Variants in MME observed in about 807,000 individuals in gnomAD.
MME encodes membrane metalloendopeptidase.
MME carries 98 observed loss-of-function variants against 113.2 expected under a neutral mutation model. The observed-to-expected ratio is 0.87, with a 90% CI of 0.74 to 1.02. MME has a LOEUF of 1.02. MME is among the 50% of genes least tolerant of loss of function. The pLI, the probability that MME is intolerant of heterozygous loss-of-function variation, is 0.00. For synonymous variants in MME, 292 were observed against 300.6 expected, an observed-to-expected ratio of 0.97 and a Z score of 0.30; for missense variants, 836 against 896.0, an observed-to-expected ratio of 0.93 and a Z score of 0.86.
At chr3:155,172,980 G>GAA in intron 22 of MME, among the ~76,000 whole-genome samples, 1 of 152,062 alleles carries the variant, frequency 6.6e-6, no homozygotes, top group Non-Finnish European at 1.5e-5. Context: ...AACTTGCAAA[G>GAA]AAAAATTTCA....
chr3:155,136,996 G>T (rs1720686449), intron 8 of MME, among the ~76,000 whole-genome samples: 1 of 152,134 alleles, frequency 6.6e-6, no homozygotes, highest in Non-Finnish European at 1.5e-5. Flanking sequence ...ATAGCAATTG[G>T]TTCAAACCTA....
rs184326934 is a variant in MME at position 155,037,332 on chromosome 3, G to A, written c.-11+13008G>A. Among the ~76,000 whole-genome samples the A allele has an allele frequency of 3.3e-5, 5 of 152,178 alleles. No individual in the cohort carries two copies. The South Asian group carries it at 6.2e-4, about 19-fold the overall frequency. ...AATAGAAATTCTCACAAAATTGCTCGGTAGGTACTAGCAATTTTAATTATC... is the reference window on the plus strand; with the variant it reads ...AATAGAAATTCTCACAAAATTGCTCAGTAGGTACTAGCAATTTTAATTATC... On this transcript the variant is annotated intron_variant, in intron 1 of 22. Transcript: ENST00000492661.
At chr3:155,133,956 G>A (rs1467345843) in intron 8 of MME, among the ~76,000 whole-genome samples, 2 of 151,188 alleles carry the variant, frequency 1.3e-5, no homozygotes, top group South Asian at 4.2e-4. Context: ...TCAAAACACT[G>A]CATGCTTGTA....
intron 1 of MME, among the ~76,000 whole-genome samples, chr3:155,036,342 G>T (rs1713126631): frequency 1.3e-5 from 2 of 152,166 alleles, no homozygotes; most frequent in Admixed American, 1.3e-4. Context: ...ACAGTTTTAC[G>T]CTTTTATGTA....
intron 8 of MME, among the ~76,000 whole-genome samples, chr3:155,127,206 C>T (rs1719753434): frequency 1.3e-5 from 2 of 152,138 alleles, no homozygotes; most frequent in South Asian, 4.1e-4. Flanking sequence ...AAGTTTACTT[C>T]TGTCTGTCAT....
chr3:155,154,654 C>T (rs930845131), intron 16 of MME, among the ~76,000 whole-genome samples: 1 of 152,198 alleles, frequency 6.6e-6, no homozygotes, highest in African/African-American at 2.4e-5. Context: ...TAAAATATCC[C>T]TTCTGATTTT....
chr3:155,057,937 T>G (rs1233782641), intron 1 of MME, among the ~76,000 whole-genome samples: 1 of 152,176 alleles, frequency 6.6e-6, no homozygotes, highest in East Asian at 1.9e-4. Context: ...GTACATCTTA[T>G]AGTTGTTGTT....
At position 155,182,421 on chromosome 3, in the gene MME, C is replaced by G. The variant is rs1713187381; in HGVS notation, c.*1962C>G. 1 of 152,196 alleles carries G rather than the reference C, an allele frequency of 6.6e-6. No homozygotes were observed. Among genetic ancestry groups the G allele is most frequent in the African/African-American group, 2.4e-5 (1 of 41,464 alleles). 9.4% of individuals were successfully genotyped at this position (152,196 alleles called of 1,614,324 possible). On this transcript the variant is annotated 3_prime_UTR_variant, in exon 23 of 23. Coordinates refer to ENST00000360490, the MANE Select transcript of MME (RefSeq NM_007289.4). ...TGAGCCTTTAATGGACTTATTTCTTCAAATCCTTCCAAAAATTATTATAAG... is the reference window on the plus strand; with the variant it reads ...TGAGCCTTTAATGGACTTATTTCTTGAAATCCTTCCAAAAATTATTATAAG...
At chr3:155,124,982 G>A (rs375939474) in intron 8 of MME, among the ~76,000 whole-genome samples, 1 of 152,162 alleles carries the variant, frequency 6.6e-6, no homozygotes, top group Non-Finnish European at 1.5e-5. Context: ...GTTTACCTAA[G>A]CAAGCCTGGG....
At chr3:155,086,850 G>C (rs1039232144) in intron 3 of MME, among the ~76,000 whole-genome samples, 4 of 152,038 alleles carry the variant, frequency 2.6e-5, no homozygotes, top group African/African-American at 9.7e-5. Context: ...TGTCACCCAG[G>C]CTGGAGTGCA....
At chr3:155,033,041 G>C (rs910442039) in intron 1 of MME, among the ~76,000 whole-genome samples, 1 of 152,194 alleles carries the variant, frequency 6.6e-6, no homozygotes, top group Non-Finnish European at 1.5e-5. Flanking sequence ...CATCTGGTCT[G>C]AGTTAGGTAC....
intron 16 of MME, among the ~76,000 whole-genome samples, chr3:155,149,144 A>C (rs2108326969): frequency 6.6e-6 from 1 of 152,318 alleles, no homozygotes; most frequent in Admixed American, 6.5e-5. Context: ...AACCATTCTT[A>C]TTCACAGTCT....
intron 7 of MME, among the ~76,000 whole-genome samples, chr3:155,117,460 C>T (rs1718716981): frequency 6.6e-6 from 1 of 151,972 alleles, no homozygotes; most frequent in Non-Finnish European, 1.5e-5. Context: ...AAATAAAATG[C>T]CTTTCTTTTA....
At chr3:155,173,521 G>C (rs1210164613) in intron 22 of MME, among the ~76,000 whole-genome samples, 1 of 151,696 alleles carries the variant, frequency 6.6e-6, no homozygotes, top group East Asian at 1.9e-4. Context: ...AAGCAATAAA[G>C]TAGTTCATTT....
intron 14 of MME, 111 bp from the exon 15 acceptor site, chr3:155,147,033 T>C: frequency 2.7e-6 from 2 of 734,862 alleles, no homozygotes; most frequent in South Asian, 3.0e-5. Context: ...CAGACACTCA[T>C]TTTATGAACA....
At chr3:155,114,846 C>T (rs1469364807) in intron 3 of MME, 148 bp from the exon 4 acceptor site, 14 of 750,184 alleles carry the variant, frequency 1.9e-5, no homozygotes, top group Non-Finnish European at 3.2e-5. Flanking sequence ...TAGTATTCCT[C>T]ATCCCCCTGA....
At chr3:155,171,775 T>C (rs939882970) in intron 20 of MME, among the ~76,000 whole-genome samples, 14 of 152,328 alleles carry the variant, frequency 9.2e-5, no homozygotes, top group Admixed American at 3.9e-4. Context: ...AATTCATTTG[T>C]CCTGACTGGT....
chr3:155,074,581 G>A (rs1361394604), intron 1 of MME, among the ~76,000 whole-genome samples: 2 of 151,920 alleles, frequency 1.3e-5, no homozygotes, highest in Non-Finnish European at 2.9e-5. Flanking sequence ...ACAAGCACGT[G>A]CCACGACACC....
intron 17 of MME, among the ~76,000 whole-genome samples, chr3:155,162,456 A>G (rs1283886062): frequency 6.6e-6 from 1 of 152,210 alleles, no homozygotes; most frequent in Non-Finnish European, 1.5e-5. Context: ...ATCCTCTGGT[A>G]AATCAAGAAT....
Sources: allele counts gnomAD v4.1 joint callset (sites outside exome capture counted in the v4.1 genomes callset), GRCh38; gene constraint gnomAD v4.1.1; transcripts MANE v1.5; gene names NCBI Gene and HGNC (gene_info 2026-07-23, HGNC 2026-07-21).